Variants in FOXJ3 observed in about 807,000 individuals in gnomAD.
FOXJ3 encodes forkhead box protein J3.
A neutral mutation model predicts 76.1 loss-of-function variants in FOXJ3; 22 were observed. The ratio of observed to expected loss-of-function variants is 0.29; its 90% CI spans 0.21 to 0.41. FOXJ3 has a LOEUF of 0.41. Ranked by LOEUF, FOXJ3 falls within the 10% of genes least tolerant of loss-of-function variation. FOXJ3 has a pLI of 1.00. For synonymous variants in FOXJ3, 269 were observed against 261.2 expected (o/e 1.03, Z -0.29); for missense variants, 613 against 762.1 (o/e 0.80, Z 2.30).
chr1:42,254,871 G>A (rs1379820663), intron 4 of FOXJ3, among the ~76,000 whole-genome samples: 6 of 150,156 alleles, frequency 4.0e-5, no homozygotes, highest in Admixed American at 1.3e-4. Context: ...GCTAAATGAC[G>A]AGTTAATGGG....
chr1:42,185,511 C>T lies in FOXJ3; in HGVS notation c.1645+3226G>A, dbSNP rs987487894. 3.2e-4 allele frequency among the ~76,000 whole-genome samples: 49 copies of T among 151,842 alleles called. 1 individual carries two copies. Among genetic ancestry groups the T allele is most frequent in the Admixed American group, 4.6e-4 (7 of 15,248 alleles). On this transcript the variant is annotated intron_variant, in intron 11 of 12. Transcript: ENST00000361346. ...TCCTGACCTCATGATCCGCCTGCCT[C>T]GGTCTCCCAAAGTGAACATACTGTA...
chr1:42,238,663 A>T (rs1648891710), intron 4 of FOXJ3, among the ~76,000 whole-genome samples: 1 of 152,098 alleles, frequency 6.6e-6, no homozygotes, highest in Non-Finnish European at 1.5e-5. Flanking sequence ...GGCCCAAGAG[A>T]TCCTCCCACC....
intron 2 of FOXJ3, among the ~76,000 whole-genome samples, chr1:42,290,106 G>GA (rs1489250360): frequency 1.3e-5 from 2 of 152,002 alleles, no homozygotes. Flanking sequence ...TGGAGGAGAA[G>GA]AAAAAGATAG....
intron 1 of FOXJ3, among the ~76,000 whole-genome samples, chr1:42,322,730 G>C (rs1374856794): frequency 6.6e-6 from 1 of 151,988 alleles, no homozygotes; most frequent in African/African-American, 2.4e-5. Flanking sequence ...CTACTAATAG[G>C]AAATCTCTCT....
chr1:42,260,642 G>A (rs1650962714), intron 4 of FOXJ3, among the ~76,000 whole-genome samples: 1 of 152,044 alleles, frequency 6.6e-6, no homozygotes, highest in East Asian at 1.9e-4. Context: ...CCACTGCACT[G>A]GGCAAAAGGG....
chr1:42,314,173 C>A (rs917320646), intron 1 of FOXJ3, among the ~76,000 whole-genome samples: 3 of 152,174 alleles, frequency 2.0e-5, no homozygotes, highest in Non-Finnish European at 4.4e-5. Flanking sequence ...GGCCTCTTAG[C>A]CCATTCCTCT....
intron 4 of FOXJ3, among the ~76,000 whole-genome samples, chr1:42,245,024 A>G (rs1352401828): frequency 1.3e-5 from 2 of 152,158 alleles, no homozygotes; most frequent in Non-Finnish European, 2.9e-5. Context: ...TACTAAAAGT[A>G]CAAACATTAG....
chr1:42,264,165 A>C (rs982552985), intron 4 of FOXJ3, among the ~76,000 whole-genome samples: 3 of 152,110 alleles, frequency 2.0e-5, no homozygotes, highest in South Asian at 4.1e-4. Flanking sequence ...GAAAGATAAG[A>C]AGCAGTCTAG....
At chr1:42,235,011 C>G (rs1205221391) in intron 4 of FOXJ3, among the ~76,000 whole-genome samples, 3 of 152,234 alleles carry the variant, frequency 2.0e-5, no homozygotes, top group Non-Finnish European at 2.9e-5. Context: ...GTGGAGTCTA[C>G]AGAGTAAGGC....
intron 2 of FOXJ3, among the ~76,000 whole-genome samples, chr1:42,278,986 C>T (rs1328811451): frequency 6.6e-6 from 1 of 152,178 alleles, no homozygotes; most frequent in Non-Finnish European, 1.5e-5. Flanking sequence ...AAGAGGGCAA[C>T]AGGATCTTGG....
At chr1:42,243,268 T>C (rs545164219) in intron 4 of FOXJ3, among the ~76,000 whole-genome samples, 1 of 151,962 alleles carries the variant, frequency 6.6e-6, no homozygotes, top group African/African-American at 2.4e-5. Context: ...AGAACGAACA[T>C]ACAAATGAAG....
intron 4 of FOXJ3, among the ~76,000 whole-genome samples, chr1:42,238,211 T>C (rs1648852609): frequency 6.6e-6 from 1 of 151,648 alleles, no homozygotes; most frequent in African/African-American, 2.4e-5. Context: ...TTTTCTATAT[T>C]TTTAGTAGAG....
intron 4 of FOXJ3, among the ~76,000 whole-genome samples, chr1:42,249,243 T>C (rs977793885): frequency 1.3e-5 from 2 of 152,142 alleles, no homozygotes; most frequent in Non-Finnish European, 2.9e-5. Flanking sequence ...ATTATAAAGA[T>C]ATGCTGAGTA....
chr1:42,297,253 C>A (rs1653847218), intron 2 of FOXJ3, among the ~76,000 whole-genome samples: 1 of 152,096 alleles, frequency 6.6e-6, no homozygotes, highest in Non-Finnish European at 1.5e-5. Context: ...AATTTGGATG[C>A]CTTTTATTTC....
At chr1:42,270,972 AAT>A (rs1326385183) in intron 3 of FOXJ3, among the ~76,000 whole-genome samples, 1 of 152,114 alleles carries the variant, frequency 6.6e-6, no homozygotes, top group Non-Finnish European at 1.5e-5. Context: ...CCCAAAAATC[AAT>A]ATAAGTACTC....
chr1:42,221,964 AAAG>A lies in FOXJ3; in HGVS notation c.528+5916_528+5918del, dbSNP rs1357993010. ...CCTGTCTCTATTAAAAAAAAAAAAAAAAGAAGAAGGGGGAGGGGGAGGGGGAGG... is the reference window on the plus strand; with the variant it reads ...CCTGTCTCTATTAAAAAAAAAAAAAAAAGAAGGGGGAGGGGGAGGGGGAGG... On this transcript the variant is annotated intron_variant, in intron 5 of 12. Transcript: ENST00000361346. 1.1e-4 allele frequency among the ~76,000 whole-genome samples: 7 copies of A among 63,286 alleles called. No homozygotes were observed. The East Asian group carries it at 2.9e-3, about 26-fold the overall frequency. 41.5% of individuals were successfully genotyped at this position (63,286 alleles called of 152,430 possible). A position where few individuals can be genotyped will look rare whatever the true frequency, so the allele number is the denominator to read the frequency against.
intron 2 of FOXJ3, among the ~76,000 whole-genome samples, chr1:42,304,282 G>A (rs974873308): frequency 2.0e-5 from 3 of 151,968 alleles, no homozygotes; most frequent in African/African-American, 4.8e-5. Flanking sequence ...GATAGTCCAC[G>A]TTCATGGAGT....
rs1211872596 is a variant in FOXJ3 at position 42,194,983 on chromosome 1, G to T, written c.841C>A (p.Gln281Lys). ...AAATTATATTCTGAGAAAAGTAGTTGCTTGTCTCTTTCTGGAAGGTTGTAC... is the reference window on the plus strand; with the variant it reads ...AAATTATATTCTGAGAAAAGTAGTTTCTTGTCTCTTTCTGGAAGGTTGTAC... ...PQYNLPERDKQLLFSEYNFED... is the reference protein window; with the variant it reads ...PQYNLPERDKKLLFSEYNFED... The change falls in exon 8 of 13, where the codon CAA (glutamine) becomes AAA (lysine). Residue 281 changes from glutamine to lysine, a missense_variant. By Grantham distance (53) the Gln-to-Lys change is moderately conservative. Transcript: ENST00000361346. 3.1e-6 allele frequency: 5 copies of T among 1,612,230 alleles called. No individual in the cohort carries two copies. Among genetic ancestry groups the T allele is most frequent in the South Asian group, 1.1e-5 (1 of 91,006 alleles).
chr1:42,259,024 G>A (rs1470078210), intron 4 of FOXJ3, among the ~76,000 whole-genome samples: 3 of 152,114 alleles, frequency 2.0e-5, no homozygotes, highest in Non-Finnish European at 4.4e-5. Flanking sequence ...TTCAAATAGT[G>A]ATTAAACTCT....
Sources: allele counts gnomAD v4.1 joint callset (sites outside exome capture counted in the v4.1 genomes callset), GRCh38; gene constraint gnomAD v4.1.1; transcripts MANE v1.5; gene names NCBI Gene and HGNC (gene_info 2026-07-23, HGNC 2026-07-21).